SMC3: variants seen among roughly 807,000 people sequenced by gnomAD.
SMC3 encodes the protein structural maintenance of chromosomes 3, also known as structural maintenance of chromosomes protein 3.
Under a neutral mutation model 171.8 loss-of-function variants are expected in SMC3, and 20 were observed. The observed-to-expected ratio is 0.12, with a 90% CI of 0.08 to 0.17. The LOEUF is 0.17. Ranked by LOEUF, SMC3 falls within the 10% of genes least tolerant of loss-of-function variation. The pLI is 1.00. For synonymous variants in SMC3, 464 were observed against 451.1 expected, an observed-to-expected ratio of 1.03 and a Z score of -0.36; for missense variants, 543 against 1,420.4, an observed-to-expected ratio of 0.38 and a Z score of 9.93.
chr10:110,574,741 A>G (rs1198761454), intron 3 of SMC3, among the ~76,000 whole-genome samples: 1 of 152,238 alleles, frequency 6.6e-6, no homozygotes, highest in Non-Finnish European at 1.5e-5. Flanking sequence ...GGACAAGAAC[A>G]GCTGAGTAAA....
chr10:110,576,857 A>G (rs1234923107), intron 4 of SMC3, among the ~76,000 whole-genome samples: 1 of 152,104 alleles, frequency 6.6e-6, no homozygotes, highest in Non-Finnish European at 1.5e-5. Context: ...TTTAAATGTG[A>G]CACATGTTAA....
chr10:110,599,617 GCTAATACCTTACTAATA>G lies in SMC3; in HGVS notation c.2269-36_2269-20del, dbSNP rs769684545. The G allele has an allele frequency of 1.1e-5, 17 of 1,595,900 alleles. No homozygotes were observed. The highest frequency in any genetic ancestry group is 1.4e-5 in the Non-Finnish European group (16 of 1,166,058). On this transcript the variant is annotated intron_variant, in intron 20 of 28. Transcript: ENST00000361804. ...AATTTTCACTATAAGTAATACAGTG[GCTAATACCTTACTAATA>G]AATGGATAATGTCATATAGCAACGT...
At chr10:110,570,637 A>G (rs1184770524) in intron 2 of SMC3, among the ~76,000 whole-genome samples, 1 of 152,188 alleles carries the variant, frequency 6.6e-6, no homozygotes, top group Non-Finnish European at 1.5e-5. Flanking sequence ...AAGTACCTTA[A>G]TATTTCATTT....
chr10:110,590,933 G>A, intron 16 of SMC3, 58 bp from the exon 17 acceptor site: 1 of 1,532,302 alleles, frequency 6.5e-7, no homozygotes. Flanking sequence ...ATAAGTTTGG[G>A]CAACATAGGG....
In SMC3 at chr10:110,604,435, G is replaced by A; in HGVS notation, c.*133G>A. On this transcript the variant is annotated 3_prime_UTR_variant, in exon 29 of 29. Transcript: ENST00000361804. Reference sequence around the variant, plus strand: ...AAAGCATCATAGTCCTTTTATATTTGTCTTTGTATTTTATAAGATACTCTG... The same window carrying A: ...AAAGCATCATAGTCCTTTTATATTTATCTTTGTATTTTATAAGATACTCTG... 1 of 660,628 alleles carries A rather than the reference G, an allele frequency of 1.5e-6. No homozygotes were observed. Among genetic ancestry groups the A allele is most frequent in the South Asian group, 1.7e-5 (1 of 59,478 alleles). 40.9% of individuals were successfully genotyped at this position (660,628 alleles called of 1,614,324 possible).
intron 13 of SMC3, among the ~76,000 whole-genome samples, chr10:110,586,088 G>A (rs1001479070): frequency 6.6e-6 from 1 of 152,198 alleles, no homozygotes; most frequent in African/African-American, 2.4e-5. Flanking sequence ...GAGCCACCAT[G>A]CCTGGCCCCT....
At position 110,584,451 on chromosome 10, in the gene SMC3, T is replaced by C. The variant is rs1324121314; in HGVS notation, c.1305+55T>C. 2.5e-6 allele frequency: 3 copies of C among 1,221,848 alleles called. No individual in the cohort carries two copies. The Admixed American group carries it at 5.6e-5, about 23-fold the overall frequency. 75.7% of individuals were successfully genotyped at this position (1,221,848 alleles called of 1,614,324 possible). A position where few individuals can be genotyped will look rare whatever the true frequency, so the allele number is the denominator to read the frequency against. On this transcript the variant is annotated intron_variant, in intron 13 of 28. Transcript: ENST00000361804. ...ATCTTTCAGAAGAGATAAATGTGTT[T>C]AGTTTTATCTACTTCAAGTTTTCTT...
In SMC3 at chr10:110,603,316, A is replaced by C. The variant is rs146300371; in HGVS notation, c.3582+26A>C. ...GTAATTTTATTTTACATTGAGTTTA[A>C]GTTTGTATTTATTCAATTATATTTG... On this transcript the variant is annotated intron_variant, in intron 28 of 28. Coordinates refer to ENST00000361804, the MANE Select transcript of SMC3 (RefSeq NM_005445.4). 1,196 of 1,334,864 alleles carry C rather than the reference A, an allele frequency of 9.0e-4. 13 individuals carry two copies. In the African/African-American group the frequency reaches 0.015, roughly 17 times the overall value. 82.7% of individuals were successfully genotyped at this position (1,334,864 alleles called of 1,614,324 possible).
At chr10:110,577,703 T>C in intron 5 of SMC3, 132 bp from the exon 6 acceptor site, 1 of 711,470 alleles carries the variant, frequency 1.4e-6, no homozygotes, top group Non-Finnish European at 2.4e-6. Flanking sequence ...TGAGTATTTG[T>C]AGTATTATTT....
intron 20 of SMC3, among the ~76,000 whole-genome samples, chr10:110,598,922 T>C (rs1861343300): frequency 6.6e-6 from 1 of 152,204 alleles, no homozygotes; most frequent in African/African-American, 2.4e-5. Flanking sequence ...GATTCCGTTT[T>C]GTCCAGATTG....
chr10:110,600,653 GAA>G, intron 22 of SMC3, 107 bp downstream of exon 22: 2 of 725,678 alleles, frequency 2.8e-6, no homozygotes, highest in Admixed American at 4.6e-5. Context: ...TTTGGGGACA[GAA>G]AGCTTAGTGT....
In SMC3 at chr10:110,569,080, C is replaced by G. The variant is rs4917577; in HGVS notation, c.91+67C>G. ...CAGATAATGTAAATTCTGTCCATTT[C>G]TATATTGGCTTAAGGAGACAGGAAT... On this transcript the variant is annotated intron_variant, in intron 2 of 28. Transcript: ENST00000361804. The G allele has an allele frequency of 1, 1,041,472 of 1,041,970 alleles. 520,488 individuals carry two copies. The highest frequency in any genetic ancestry group is 1 in the Middle Eastern group (4,656 of 4,656). 64.5% of individuals were successfully genotyped at this position (1,041,970 alleles called of 1,614,324 possible). A position where few individuals can be genotyped will look rare whatever the true frequency, so the allele number is the denominator to read the frequency against.
chr10:110,591,193 C>G, intron 17 of SMC3, 61 bp downstream of exon 17: 1 of 1,478,170 alleles, frequency 6.8e-7, no homozygotes, highest in Non-Finnish European at 9.4e-7. Context: ...ATCACATAAT[C>G]TAACACATGC....
chr10:110,585,620 G>A (rs180773978), intron 13 of SMC3, among the ~76,000 whole-genome samples: 1 of 151,144 alleles, frequency 6.6e-6, no homozygotes, highest in African/African-American at 2.4e-5. Context: ...TCATTTTTTG[G>A]TATTCCAGCA....
At chr10:110,582,699 T>G in intron 10 of SMC3, 57 bp downstream of exon 10, 1 of 1,320,898 alleles carries the variant, frequency 7.6e-7, no homozygotes. Context: ...GACAGGGTCT[T>G]GTTCTGTCAT....
chr10:110,601,061 C>G lies in SMC3; in HGVS notation c.2575C>G (p.Leu859Val). The G allele has an allele frequency of 6.2e-7, 1 of 1,613,432 alleles. No homozygotes were observed. Among genetic ancestry groups the G allele is most frequent in the Non-Finnish European group, 8.5e-7 (1 of 1,179,626 alleles). Residue 859 changes from leucine (L) to valine (V), a missense_variant, in exon 23 of 29, where the codon CTC (leucine) becomes GTC (valine). By Grantham distance (32) the Leu-to-Val change is conservative. Around this residue, in one of 8 missense-constraint regions of SMC3, gnomAD observed 33 missense variants for 33.6 expected, o/e 0.98. Coordinates refer to ENST00000361804, the MANE Select transcript of SMC3 (RefSeq NM_005445.4). ...ELRETEGGTV[L>V]TATTSELEAI... Reference sequence around the variant, plus strand: ...GAGAGAGACAGAAGGGGGTACTGTTCTCACAGCCACAACATCAGAACTTGA... The same window carrying G: ...GAGAGAGACAGAAGGGGGTACTGTTGTCACAGCCACAACATCAGAACTTGA...
intron 2 of SMC3, among the ~76,000 whole-genome samples, chr10:110,570,976 G>C (rs894164239): frequency 3.3e-5 from 5 of 152,198 alleles, no homozygotes; most frequent in African/African-American, 1.2e-4. Context: ...GATGAATGAT[G>C]TTGACTATTA....
At position 110,577,888 on chromosome 10, in the gene SMC3, G is replaced by A; in HGVS notation, c.324G>A (p.Gln108=). The A allele has an allele frequency of 6.2e-7, 1 of 1,612,272 alleles. No homozygotes were observed. The highest frequency in any genetic ancestry group is 8.5e-7 in the Non-Finnish European group (1 of 1,178,448). Residue 108 remains glutamine (Q), a synonymous_variant, in exon 6 of 29, where the codon CAG becomes CAA. Coordinates refer to ENST00000361804, the MANE Select transcript of SMC3 (RefSeq NM_005445.4). ...GAGTTATTGGTGCCAAAAAGGATCAGTATTTCTTAGACAAGAAGATGGTCA... is the reference window on the plus strand; with the variant it reads ...GAGTTATTGGTGCCAAAAAGGATCAATATTTCTTAGACAAGAAGATGGTCA... ...LRRVIGAKKD[Q]YFLDKKMVTK... is the part of the protein sequence containing the mutation.
intron 3 of SMC3, among the ~76,000 whole-genome samples, chr10:110,573,949 G>A (rs1003283340): frequency 5.3e-5 from 8 of 151,946 alleles, no homozygotes; most frequent in Non-Finnish European, 1.2e-4. Context: ...TGTGAGAGTG[G>A]GCAAAACACG....
Sources: allele counts gnomAD v4.1 joint callset (sites outside exome capture counted in the v4.1 genomes callset), GRCh38; gene constraint gnomAD v4.1.1; regional missense constraint gnomAD v4.1.1; transcripts MANE v1.5; gene names NCBI Gene and HGNC (gene_info 2026-07-23, HGNC 2026-07-21).